The following GSE1 variants were observed in gnomAD, a reference collection of about 807,000 sequenced individuals.
The protein encoded by GSE1 is genetic suppressor element 1.
Under a neutral mutation model 112.6 loss-of-function variants are expected in GSE1, and 32 were observed. That is an observed-to-expected ratio of 0.28 (90% CI 0.21 to 0.38). The LOEUF (loss-of-function observed/expected upper bound fraction) is 0.38. Ranked by LOEUF, GSE1 falls within the 10% of genes least tolerant of loss-of-function variation. The pLI is 1.00. For missense variants in GSE1, 2,348 were observed against 1,699.2 expected, an observed-to-expected ratio of 1.38 and a Z score of -6.71; for synonymous variants, 1,115 against 735.6, an observed-to-expected ratio of 1.52 and a Z score of -8.35.
intron 1 of GSE1, among the ~76,000 whole-genome samples, chr16:85,231,807 T>C (rs1037504148): frequency 2.6e-5 from 4 of 152,258 alleles, no homozygotes; most frequent in African/African-American, 9.6e-5. Flanking sequence ...TCAGAATTAC[T>C]GTTGTCTCAG....
intron 2 of GSE1, among the ~76,000 whole-genome samples, chr16:85,449,414 G>A (rs576594572): frequency 2.6e-5 from 4 of 152,238 alleles, no homozygotes; most frequent in African/African-American, 7.2e-5. Flanking sequence ...GAGGCCGCAT[G>A]GGGGGCGGGG....
intron 1 of GSE1, among the ~76,000 whole-genome samples, chr16:85,263,684 C>T (rs984117450): frequency 3.9e-5 from 6 of 151,954 alleles, no homozygotes; most frequent in Middle Eastern, 3.4e-3. Flanking sequence ...GCGATTCTCC[C>T]GCCTCAGCCT....
chr16:85,562,710 C>T (rs1010756497), intron 1 of GSE1, among the ~76,000 whole-genome samples: 1 of 152,220 alleles, frequency 6.6e-6, no homozygotes, highest in Non-Finnish European at 1.5e-5. Context: ...TCCTCCTGGA[C>T]ATGGACACGT....
intron 1 of GSE1, among the ~76,000 whole-genome samples, chr16:85,316,178 T>C (rs1323926265): frequency 6.6e-6 from 1 of 152,260 alleles, no homozygotes; most frequent in Non-Finnish European, 1.5e-5. Context: ...CAGCCACCTA[T>C]TCCATTTTCA....
At chr16:85,370,818 T>C (rs2047282494) in intron 2 of GSE1, among the ~76,000 whole-genome samples, 1 of 152,194 alleles carries the variant, frequency 6.6e-6, no homozygotes. Flanking sequence ...GTGACCACCT[T>C]TGGGAACTGG....
chr16:85,437,013 T>TC (rs1012320682), intron 2 of GSE1, among the ~76,000 whole-genome samples: 1 of 151,992 alleles, frequency 6.6e-6, no homozygotes, highest in Non-Finnish European at 1.5e-5. Flanking sequence ...AGAGGCCTAC[T>TC]CCCCTCCCCA....
At chr16:85,388,324 A>AATGGATGTATGGCTGGGTAGATGGGTGAG (rs2047744507) in intron 2 of GSE1, among the ~76,000 whole-genome samples, 7 of 75,078 alleles carry the variant, frequency 9.3e-5, no homozygotes, top group Non-Finnish European at 1.8e-4. Flanking sequence ...GGATGGATGG[A>AATGGATGTATGGCTGGGTAGATGGGTGAG]TGGATGAATG....
At chr16:85,523,210 C>A in intron 2 of GSE1, among the ~76,000 whole-genome samples, 1 of 144,202 alleles carries the variant, frequency 6.9e-6, no homozygotes, top group African/African-American at 2.6e-5. Flanking sequence ...GCACGTGTGC[C>A]TGTGGCTGTG....
rs143562078 is a variant in GSE1 at position 85,449,416 on chromosome 16, G to T, written c.2464+91773G>T. On this transcript the variant is annotated intron_variant, in intron 2 of 2. Transcript: ENST00000637419. ...CGGCAGCTGGGCCGAGGCCGCATGG[G>T]GGGCGGGGAAGATCAGAGCCCCGGC... 5.3e-3 allele frequency among the ~76,000 whole-genome samples: 802 copies of T among 152,380 alleles called. 3 individuals carry two copies. The highest frequency in any genetic ancestry group is 0.018 in the African/African-American group (762 of 41,590).
At chr16:85,464,476 C>T (rs946279807) in intron 2 of GSE1, among the ~76,000 whole-genome samples, 22 of 152,226 alleles carry the variant, frequency 1.4e-4, no homozygotes, top group African/African-American at 4.1e-4. Context: ...GCCCTTCCTC[C>T]GGGTGCCCGG....
At chr16:85,534,032 A>T (rs1455695366) in intron 2 of GSE1, among the ~76,000 whole-genome samples, 1 of 151,988 alleles carries the variant, frequency 6.6e-6, no homozygotes, top group Non-Finnish European at 1.5e-5. Context: ...GTTCCTTCTC[A>T]GGTATTCCTT....
At chr16:85,404,281 T>C (rs1186544387) in intron 2 of GSE1, among the ~76,000 whole-genome samples, 1 of 68,982 alleles carries the variant, frequency 1.4e-5, no homozygotes, top group Non-Finnish European at 2.7e-5. Flanking sequence ...CAGATAATTC[T>C]CACTGTTACA....
chr16:85,515,222 G>A (rs2051887780), intron 2 of GSE1, among the ~76,000 whole-genome samples: 1 of 152,288 alleles, frequency 6.6e-6, no homozygotes, highest in East Asian at 1.9e-4. Context: ...CCATCTGCGG[G>A]CACCCGCCTC....
chr16:85,184,548 C>G (rs2143354290), intron 1 of GSE1, among the ~76,000 whole-genome samples: 1 of 152,332 alleles, frequency 6.6e-6, no homozygotes, highest in African/African-American at 2.4e-5. Flanking sequence ...CTCTAAAATA[C>G]TGCATGGGAG....
intron 1 of GSE1, among the ~76,000 whole-genome samples, chr16:85,622,767 C>A (rs957889303): frequency 2.6e-5 from 4 of 152,212 alleles, no homozygotes; most frequent in African/African-American, 9.6e-5. Flanking sequence ...CCTTCATAGG[C>A]GTCCCCTGAA....
intron 2 of GSE1, among the ~76,000 whole-genome samples, chr16:85,539,631 C>G (rs531580572): frequency 6.6e-6 from 1 of 152,280 alleles, no homozygotes; most frequent in African/African-American, 2.4e-5. Flanking sequence ...TGTTGGAGGC[C>G]GTTCTGTGGC....
intron 1 of GSE1, among the ~76,000 whole-genome samples, chr16:85,351,348 A>G (rs1240226174): frequency 6.6e-6 from 1 of 152,236 alleles, no homozygotes; most frequent in Non-Finnish European, 1.5e-5. Context: ...TTTACACACT[A>G]CAACATGACA....
At chr16:85,452,496 A>AC (rs2151805948) in intron 2 of GSE1, among the ~76,000 whole-genome samples, 1 of 152,372 alleles carries the variant, frequency 6.6e-6, no homozygotes, top group African/African-American at 2.4e-5. Flanking sequence ...TGGCAAGGCC[A>AC]CTGGGATTTT....
chr16:85,253,260 T>C (rs1045334142), intron 1 of GSE1, among the ~76,000 whole-genome samples: 1 of 152,080 alleles, frequency 6.6e-6, no homozygotes, highest in Non-Finnish European at 1.5e-5. Context: ...GGTGCCCCTC[T>C]GCCCCAGTCC....
Sources: gnomAD v4.1 joint callset for allele counts (sites outside exome capture counted in the v4.1 genomes callset) on GRCh38, gnomAD v4.1.1 for gene constraint, MANE v1.5 for transcripts, NCBI Gene and HGNC (gene_info 2026-07-23, HGNC 2026-07-21) for gene names.